Variants in TRMT5 observed in about 807,000 individuals in gnomAD.
TRMT5 encodes the protein tRNA methyltransferase 5.
A neutral mutation model predicts 42.2 loss-of-function variants in TRMT5; 31 were observed. The ratio of observed to expected loss-of-function variants is 0.73; its 90% CI spans 0.55 to 0.99. The LOEUF (loss-of-function observed/expected upper bound fraction) is 0.99, where lower values mean the gene tolerates loss of function less well. TRMT5 is among the 50% of genes least tolerant of loss of function. The probability of loss-of-function intolerance (pLI) is 0.00; values close to 1 mark genes in which losing one functional copy is unlikely to be tolerated. For missense variants in TRMT5, 568 were observed against 595.0 expected, an observed-to-expected ratio of 0.95 and a Z score of 0.47; for synonymous variants, 198 against 209.6, an observed-to-expected ratio of 0.94 and a Z score of 0.48.
chr14:60,980,421 C>CA (rs1183174309), intron 1 of TRMT5, among the ~76,000 whole-genome samples: 1 of 152,222 alleles, frequency 6.6e-6, no homozygotes, highest in Non-Finnish European at 1.5e-5. Context: ...CAAAGTCTCC[C>CA]AGCTGATAAG....
intron 4 of TRMT5, 136 bp downstream of exon 4, chr14:60,975,339 G>A: frequency 7.6e-7 from 1 of 1,317,446 alleles, no homozygotes. Flanking sequence ...TAATGAAATA[G>A]CCTTCTATTA....
In TRMT5 at chr14:60,973,647, G is replaced by A; in HGVS notation, c.*1462C>T. 1 of 152,290 alleles carries A rather than the reference G, an allele frequency of 6.6e-6. No individual in the cohort carries two copies. Among genetic ancestry groups the A allele is most frequent in the Non-Finnish European group, 1.5e-5 (1 of 68,034 alleles). The allele number at this position is 152,290 out of a possible 1,614,324, so 9.4% of individuals were successfully genotyped here. A position where few individuals can be genotyped will look rare whatever the true frequency, so the allele number is the denominator to read the frequency against. ...AGCCTGGGCAACAGAGCAAGACCCT[G>A]TCTCTAAGTAAAAATAAAAATAGAG... On this transcript the variant is annotated 3_prime_UTR_variant, in exon 5 of 5. Transcript: ENST00000261249.
chr14:60,978,284 A>G (rs918949292), intron 2 of TRMT5, among the ~76,000 whole-genome samples: 21 of 152,234 alleles, frequency 1.4e-4, no homozygotes, highest in African/African-American at 5.1e-4. Context: ...AAAAATCTAT[A>G]TGCTATCTCA....
At chr14:60,977,860 G>A (rs993627135) in intron 2 of TRMT5, among the ~76,000 whole-genome samples, 1 of 152,140 alleles carries the variant, frequency 6.6e-6, no homozygotes, top group Non-Finnish European at 1.5e-5. Context: ...CATTTTTAAA[G>A]AAAACGTTTT....
intron 2 of TRMT5, among the ~76,000 whole-genome samples, chr14:60,977,923 AATG>A (rs1202020338): frequency 6.6e-6 from 1 of 152,166 alleles, no homozygotes; most frequent in Non-Finnish European, 1.5e-5. Context: ...AATCTTTTCA[AATG>A]AACCAATAAA....
At position 60,979,633 on chromosome 14, in the gene TRMT5, C is replaced by T. The variant is rs1432568606; in HGVS notation, c.265G>A (p.Ala89Thr). 4 of 1,614,068 alleles carry T rather than the reference C, an allele frequency of 2.5e-6. No homozygotes were observed. The South Asian group carries it at 4.4e-5, about 18-fold the overall frequency. The change falls in exon 2 of 5, where the codon GCT (alanine) becomes ACT (threonine). Residue 89 changes from alanine (A) to threonine (T), a missense_variant. Transcript: ENST00000261249. ...VRGMTKLDRT[A>T]FKKTVNIPVL... Reference sequence around the variant, plus strand: ...GGAATGTTGACTGTCTTTTTAAAAGCTGTTCTATCAAGTTTTGTCATGCCT... The same window carrying T: ...GGAATGTTGACTGTCTTTTTAAAAGTTGTTCTATCAAGTTTTGTCATGCCT...
chr14:60,977,254 C>T (rs1044792568), intron 3 of TRMT5, among the ~76,000 whole-genome samples: 5 of 152,094 alleles, frequency 3.3e-5, no homozygotes, highest in Non-Finnish European at 7.4e-5. Flanking sequence ...GTCAACCTAT[C>T]GATGGACAAC....
rs1273347411 is a variant in TRMT5 at position 60,972,499 on chromosome 14, G to A, written c.*2610C>T. On this transcript the variant is annotated 3_prime_UTR_variant, in exon 5 of 5. Coordinates refer to ENST00000261249, the MANE Select transcript of TRMT5 (RefSeq NM_020810.3). ...GCGGCGGCGGCGGGATGTGGGCACC[G>A]GGTGTGGGACGCAGCAGCGCGCGGG... 6.4e-6 allele frequency: 3 copies of A among 470,030 alleles called. No homozygotes were observed. Among genetic ancestry groups the A allele is most frequent in the East Asian group, 6.2e-5 (1 of 16,106 alleles). The allele number at this position is 470,030 out of a possible 1,614,324, so 29.1% of individuals were successfully genotyped here. A position where few individuals can be genotyped will look rare whatever the true frequency, so the allele number is the denominator to read the frequency against.
chr14:60,979,953 C>T (rs1272474013), intron 1 of TRMT5, 67 bp from the exon 2 acceptor site: 11 of 1,463,172 alleles, frequency 7.5e-6, no homozygotes, highest in Non-Finnish European at 9.0e-6. Flanking sequence ...ATTCTACTAT[C>T]TCAAATAACG....
chr14:60,981,255 C>T (rs762437327), upstream of TRMT5: 14 of 1,581,090 alleles, frequency 8.9e-6, no homozygotes, highest in Non-Finnish European at 1.1e-5. Context: ...GTAGATGGAA[C>T]TGGTAGTCAG....
At position 60,973,508 on chromosome 14, in the gene TRMT5, G is replaced by A. The variant is rs1010378613; in HGVS notation, c.*1601C>T. 2.6e-5 allele frequency: 4 copies of A among 152,142 alleles called. No individual in the cohort carries two copies. Among genetic ancestry groups the A allele is most frequent in the African/African-American group, 9.7e-5 (4 of 41,402 alleles). The allele number at this position is 152,142 out of a possible 1,614,324, so 9.4% of individuals were successfully genotyped here. ...GGATAGTGCTAAACCATTCACGAGGGCCACATATAAGGGCTCACACCTGTA... is the reference window on the plus strand; with the variant it reads ...GGATAGTGCTAAACCATTCACGAGGACCACATATAAGGGCTCACACCTGTA... On this transcript the variant is annotated 3_prime_UTR_variant, in exon 5 of 5. Coordinates refer to ENST00000261249, the MANE Select transcript of TRMT5 (RefSeq NM_020810.3).
In TRMT5 at chr14:60,979,769, C is replaced by T. The variant is rs1566592583; in HGVS notation, c.129G>A (p.Leu43=). The T allele has an allele frequency of 1.2e-6, 2 of 1,613,912 alleles. No individual in the cohort carries two copies. The highest frequency in any genetic ancestry group is 1.7e-5 in the Admixed American group (1 of 60,008). The change falls in exon 2 of 5, where the codon TTG becomes TTA. Residue 43 remains leucine, a synonymous_variant. Coordinates refer to ENST00000261249, the MANE Select transcript of TRMT5 (RefSeq NM_020810.3). The stretch of plus-strand genomic sequence containing the variant: ...CCAATAAGAAAATACCAGGTGCTTC[C>T]AAAAGCATCTGTGTCAGGGATGTCC... The part of the protein sequence containing the change: ...VAWTSLTQML[L]EAPGIFLLGQ...
At chr14:60,977,192 G>A (rs1269275764) in intron 3 of TRMT5, among the ~76,000 whole-genome samples, 2 of 152,100 alleles carry the variant, frequency 1.3e-5, no homozygotes, top group South Asian at 2.1e-4. Context: ...TATACATACT[G>A]TTCTATAACT....
In TRMT5 at chr14:60,980,944, A is replaced by G. The variant is rs35851133; in HGVS notation, c.11+19T>C. 3 of 1,612,594 alleles carry G rather than the reference A, an allele frequency of 1.9e-6. No individual in the cohort carries two copies. The highest frequency in any genetic ancestry group is 2.5e-6 in the Non-Finnish European group (3 of 1,179,994). ...TACCTCCCCTGGACCATTAGCCCCTAACGCGGCCGCCACCTCACCAAAGCA... is the reference window on the plus strand; with the variant it reads ...TACCTCCCCTGGACCATTAGCCCCTGACGCGGCCGCCACCTCACCAAAGCA... On this transcript the variant is annotated intron_variant, in intron 1 of 4. Transcript: ENST00000261249.
intron 2 of TRMT5, among the ~76,000 whole-genome samples, chr14:60,978,807 A>G (rs564637222): frequency 6.6e-6 from 1 of 152,346 alleles, no homozygotes; most frequent in South Asian, 2.1e-4. Flanking sequence ...GGTGCTTGAC[A>G]TATAGAAGAG....
In TRMT5 at chr14:60,971,702, T is replaced by G. The variant is rs1238749324; in HGVS notation, c.*3407A>C. The G allele has an allele frequency of 1.3e-5, 2 of 159,108 alleles. No homozygotes were observed. Among genetic ancestry groups the G allele is most frequent in the African/African-American group, 4.8e-5 (2 of 41,478 alleles). The allele number at this position is 159,108 out of a possible 1,614,324, so 9.9% of individuals were successfully genotyped here. A position where few individuals can be genotyped will look rare whatever the true frequency, so the allele number is the denominator to read the frequency against. On this transcript the variant is annotated 3_prime_UTR_variant, in exon 5 of 5. Transcript: ENST00000261249. Reference sequence around the variant, plus strand: ...ACTTTTCACAAGCCAACCCTGACTTTCAGGAAGTGAAATGAAAATGGCAGA... The same window carrying G: ...ACTTTTCACAAGCCAACCCTGACTTGCAGGAAGTGAAATGAAAATGGCAGA...
At chr14:60,976,313 C>T (rs185024364) in intron 3 of TRMT5, among the ~76,000 whole-genome samples, 187 bp from the exon 4 acceptor site, 22 of 152,246 alleles carry the variant, frequency 1.4e-4, no homozygotes, top group Non-Finnish European at 2.6e-4. Context: ...ATTCCTAAGG[C>T]CAGTTAATAT....
Position 60,979,480 on chromosome 14 carries a change from A to G in TRMT5, c.418T>C (p.Leu140=). The G allele has an allele frequency of 6.2e-7, 1 of 1,614,212 alleles. No individual in the cohort carries two copies. Among genetic ancestry groups the G allele is most frequent in the South Asian group, 1.1e-5 (1 of 91,086 alleles). ...PEDKESRLIM[L]DPYKIFTHDS... ...TGAGTAAATATTTTATAGGGATCCA[A>G]CATGATTAGTCTACTTTCTTTATCT... The change falls in exon 2 of 5, where the codon TTG becomes CTG. Residue 140 remains leucine (L), a synonymous_variant. Transcript: ENST00000261249.
In TRMT5 at chr14:60,972,551, G is replaced by C. The variant is rs2036791472; in HGVS notation, c.*2558C>G. On this transcript the variant is annotated 3_prime_UTR_variant, in exon 5 of 5. Transcript: ENST00000261249. The stretch of plus-strand genomic sequence containing the variant: ...TTTGGTCGGTCCAGGGGTCGTTCTT[G>C]CCTCTTCTCCTTCACACTGCTCCCA... 2.5e-6 allele frequency: 1 copy of C among 403,840 alleles called. No homozygotes were observed. Among genetic ancestry groups the C allele is most frequent in the Non-Finnish European group, 4.8e-6 (1 of 208,534 alleles). 25.0% of individuals were successfully genotyped at this position (403,840 alleles called of 1,614,324 possible).
Sources: allele counts gnomAD v4.1 joint callset (sites outside exome capture counted in the v4.1 genomes callset), GRCh38; gene constraint gnomAD v4.1.1; transcripts MANE v1.5; gene names NCBI Gene and HGNC (gene_info 2026-07-23, HGNC 2026-07-21).